The following SUGCT variants were observed in gnomAD, a reference collection of about 807,000 sequenced individuals.
SUGCT encodes the protein succinyl-CoA:glutarate CoA-transferase.
A neutral mutation model predicts 55.0 loss-of-function variants in SUGCT; 41 were observed. The observed-to-expected ratio is 0.74, with a 90% CI of 0.58 to 0.97. The LOEUF is 0.97. Among genes scored for constraint, SUGCT ranks in the 50% least tolerant of loss-of-function variants. The pLI, the probability that SUGCT is intolerant of heterozygous loss-of-function variation, is 0.00. For synonymous variants in SUGCT, 187 were observed against 200.4 expected (o/e 0.93, Z 0.56); for missense variants, 568 against 547.8 (o/e 1.04, Z -0.37).
chr7:40,677,750 C>T lies in SUGCT; in HGVS notation c.1090-71684C>T, dbSNP rs139289109. Among the ~76,000 whole-genome samples the T allele has an allele frequency of 4.8e-3, 726 of 152,316 alleles. 7 individuals carry two copies. Among genetic ancestry groups the T allele is most frequent in the Non-Finnish European group, 7.3e-3 (500 of 68,040 alleles). On this transcript the variant is annotated intron_variant, in intron 12 of 13. Transcript: ENST00000335693. Reference sequence around the variant, plus strand: ...CAAAAGAGAATGGGGTTGGAAATGACGTTGGGTTAGTAGCTGTATCTATTG... The same window carrying T: ...CAAAAGAGAATGGGGTTGGAAATGATGTTGGGTTAGTAGCTGTATCTATTG...
At chr7:40,969,110 T>G in the SUGCT span, among the ~76,000 whole-genome samples, 1 of 152,230 alleles carries the variant, frequency 6.6e-6, no homozygotes, top group African/African-American at 2.4e-5. Context: ...GATCCTCACT[T>G]AAGAGATAGT....
intron 12 of SUGCT, among the ~76,000 whole-genome samples, chr7:40,622,607 A>C (rs998205604): frequency 7.3e-6 from 1 of 136,462 alleles, no homozygotes; most frequent in Non-Finnish European, 1.5e-5. Context: ...GCATACTGCT[A>C]TACCCACCCA....
chr7:40,150,025 G>A (rs999460156), intron 1 of SUGCT, among the ~76,000 whole-genome samples: 3 of 152,022 alleles, frequency 2.0e-5, no homozygotes, highest in African/African-American at 4.8e-5. Context: ...CCCGAGAGGC[G>A]GAGGTTGCAG....
At chr7:41,010,146 T>C in the SUGCT span, among the ~76,000 whole-genome samples, 4 of 152,226 alleles carry the variant, frequency 2.6e-5, no homozygotes, top group Non-Finnish European at 4.4e-5. Context: ...TTTTTGTTTG[T>C]TCATTTATTG....
At chr7:40,540,882 A>G (rs1407337367) in intron 12 of SUGCT, among the ~76,000 whole-genome samples, 3 of 152,228 alleles carry the variant, frequency 2.0e-5, no homozygotes, top group African/African-American at 7.2e-5. Context: ...CAGCTGGCCA[A>G]GGGAAGTCAT....
the SUGCT span, among the ~76,000 whole-genome samples, chr7:41,037,493 T>C: frequency 6.7e-6 from 1 of 150,114 alleles, no homozygotes; most frequent in African/African-American, 2.5e-5. Context: ...GTAAAGTCCA[T>C]GTGCTCAGCC....
At chr7:40,444,337 G>A (rs539383963) in intron 9 of SUGCT, among the ~76,000 whole-genome samples, 4 of 152,056 alleles carry the variant, frequency 2.6e-5, no homozygotes, top group Admixed American at 6.6e-5. Flanking sequence ...TCATGTTATC[G>A]ATTCTTCCTA....
the SUGCT span, among the ~76,000 whole-genome samples, chr7:40,999,118 A>G: frequency 6.6e-6 from 1 of 152,166 alleles, no homozygotes; most frequent in South Asian, 2.1e-4. Context: ...TTTATGTCTT[A>G]CTTAGGAAAG....
intron 12 of SUGCT, among the ~76,000 whole-genome samples, chr7:40,742,526 A>T (rs376417256): frequency 2.6e-4 from 39 of 151,950 alleles, no homozygotes; most frequent in African/African-American, 9.2e-4. Context: ...CTCCTATGAG[A>T]ATCTAATGCT....
At chr7:40,439,416 T>C (rs1466543412) in intron 9 of SUGCT, among the ~76,000 whole-genome samples, 1 of 151,948 alleles carries the variant, frequency 6.6e-6, no homozygotes, top group Non-Finnish European at 1.5e-5. Flanking sequence ...GGCTCATTGC[T>C]CAGTAACATT....
At chr7:40,541,263 A>G (rs117600713) in intron 12 of SUGCT, among the ~76,000 whole-genome samples, 1 of 152,344 alleles carries the variant, frequency 6.6e-6, no homozygotes, top group Non-Finnish European at 1.5e-5. Context: ...AGAAAACCAG[A>G]GAGAGCCAAG....
At chr7:40,637,725 T>A (rs906076270) in intron 12 of SUGCT, among the ~76,000 whole-genome samples, 27 of 152,244 alleles carry the variant, frequency 1.8e-4, no homozygotes, top group African/African-American at 6.3e-4. Context: ...TGTTTCTTAG[T>A]TTTATAAAAG....
intron 10 of SUGCT, among the ~76,000 whole-genome samples, chr7:40,452,614 G>A (rs1032045632): frequency 3.3e-5 from 5 of 152,032 alleles, no homozygotes; most frequent in East Asian, 1.9e-4. Flanking sequence ...ACTCTGTCAC[G>A]GTCCTTAATC....
rs551507791 is a variant in SUGCT at position 40,257,782 on chromosome 7, G to A, written c.577-16731G>A. 3.9e-5 allele frequency among the ~76,000 whole-genome samples: 6 copies of A among 152,230 alleles called. No homozygotes were observed. The East Asian group carries it at 1.2e-3, about 29-fold the overall frequency. ...CCTGCTACTCGGGAGGCTGAGGTGG[G>A]AGAATCACTTGAACCCGGGAGGTGG... On this transcript the variant is annotated intron_variant, in intron 7 of 13. Coordinates refer to ENST00000335693, the MANE Select transcript of SUGCT (RefSeq NM_001193313.2).
chr7:40,536,333 C>T (rs1466595132), intron 12 of SUGCT, among the ~76,000 whole-genome samples: 1 of 152,136 alleles, frequency 6.6e-6, no homozygotes, highest in Non-Finnish European at 1.5e-5. Context: ...GAGAGGGATA[C>T]CTTATGCTCT....
At chr7:40,234,813 G>C (rs969530912) in intron 6 of SUGCT, among the ~76,000 whole-genome samples, 6 of 152,076 alleles carry the variant, frequency 3.9e-5, no homozygotes, top group Non-Finnish European at 8.8e-5. Context: ...GGAGGCTGAG[G>C]GGGGAGAATT....
chr7:40,918,169 A>G, the SUGCT span, among the ~76,000 whole-genome samples: 1 of 152,040 alleles, frequency 6.6e-6, no homozygotes, highest in African/African-American at 2.4e-5. Flanking sequence ...CTTTGGTAAA[A>G]AGGGGAAAAT....
chr7:40,827,048 T>C (rs1210273953), intron 13 of SUGCT, among the ~76,000 whole-genome samples: 1 of 152,180 alleles, frequency 6.6e-6, no homozygotes, highest in Non-Finnish European at 1.5e-5. Flanking sequence ...AATTTTTTTG[T>C]GGTATGCATA....
chr7:40,193,802 T>C (rs988671919), intron 5 of SUGCT, among the ~76,000 whole-genome samples: 2 of 151,966 alleles, frequency 1.3e-5, no homozygotes, highest in African/African-American at 4.8e-5. Flanking sequence ...GGTTTTACCA[T>C]GTTGGCCAGG....
Sources: gnomAD v4.1 joint callset for allele counts (sites outside exome capture counted in the v4.1 genomes callset) on GRCh38, gnomAD v4.1.1 for gene constraint, MANE v1.5 for transcripts, NCBI Gene and HGNC (gene_info 2026-07-23, HGNC 2026-07-21) for gene names.